The following SMG6 variants were observed in gnomAD, a reference collection of about 807,000 sequenced individuals.
SMG6 encodes the protein telomerase-binding protein EST1A.
In SMG6, 66 loss-of-function variants were observed where a neutral mutation model predicts 142.2. The observed-to-expected ratio is 0.46, with a 90% confidence interval of 0.38 to 0.57. SMG6 has a LOEUF of 0.57. SMG6 is among the 20% of genes least tolerant of loss of function. The pLI is 0.00. For synonymous variants in SMG6, 779 were observed against 702.4 expected (o/e 1.11, Z -1.72); for missense variants, 1,793 against 1,832.0 (o/e 0.98, Z 0.39).
chr17:2,176,804 G>A (rs2071665793), intron 12 of SMG6, among the ~76,000 whole-genome samples: 2 of 152,178 alleles, frequency 1.3e-5, no homozygotes, highest in Admixed American at 1.3e-4. Context: ...CAAACCAGCA[G>A]TGACTAGTTA....
At chr17:2,180,882 TG>T (rs1406993298) in intron 12 of SMG6, among the ~76,000 whole-genome samples, 1 of 152,088 alleles carries the variant, frequency 6.6e-6, no homozygotes, top group Admixed American at 6.6e-5. Context: ...ATCAGAGAAA[TG>T]TATCTTTGCA....
At chr17:2,259,550 G>A (rs1322397971) in intron 8 of SMG6, among the ~76,000 whole-genome samples, 3 of 151,822 alleles carry the variant, frequency 2.0e-5, no homozygotes, top group East Asian at 1.9e-4. Context: ...GGTGGCACAC[G>A]CCTGTAGTCC....
chr17:2,076,806 T>C (rs1204542483), intron 15 of SMG6, among the ~76,000 whole-genome samples: 1 of 152,178 alleles, frequency 6.6e-6, no homozygotes, highest in Non-Finnish European at 1.5e-5. Flanking sequence ...TTGGTGCATG[T>C]GGGGCCTGTT....
chr17:2,236,229 G>C (rs894694886), intron 10 of SMG6: 1 of 291,318 alleles, frequency 3.4e-6, no homozygotes, highest in Non-Finnish European at 6.4e-6. Flanking sequence ...CGCGTGGCCA[G>C]ATGTGCAACT....
chr17:2,273,291 G>A (rs775972232), intron 8 of SMG6, among the ~76,000 whole-genome samples: 26 of 152,168 alleles, frequency 1.7e-4, no homozygotes, highest in East Asian at 3.9e-4. Flanking sequence ...TGAGGTGGGC[G>A]GATCACTTAA....
intron 13 of SMG6, chr17:2,088,390 T>C: frequency 4.1e-6 from 4 of 985,412 alleles, no homozygotes; most frequent in Non-Finnish European, 4.8e-6. Context: ...GGGAATTGCC[T>C]ATTCCATGGA....
chr17:2,233,156 C>T (rs1266871827), intron 10 of SMG6: 5 of 152,276 alleles, frequency 3.3e-5, no homozygotes, highest in African/African-American at 1.2e-4. Context: ...TCCCCTGTGG[C>T]TCTCCAAATC....
intron 12 of SMG6, 80 bp from the exon 13 acceptor site, chr17:2,172,939 G>T: frequency 1.5e-6 from 2 of 1,342,984 alleles, no homozygotes; most frequent in Non-Finnish European, 2.1e-6. Flanking sequence ...TGTGAGCAGG[G>T]AAGTACTTGC....
intron 9 of SMG6, among the ~76,000 whole-genome samples, chr17:2,242,894 T>C (rs541676345): frequency 1.8e-4 from 28 of 152,278 alleles, no homozygotes; most frequent in Admixed American, 1.1e-3. Context: ...AGTAACCTAC[T>C]AGAATACTAC....
In SMG6 at chr17:2,298,968, G is replaced by C. The variant is rs1386611414; in HGVS notation, c.1785C>G (p.Leu595=). 17 of 1,614,184 alleles carry C rather than the reference G, an allele frequency of 1.1e-5. No individual in the cohort carries two copies. The highest frequency in any genetic ancestry group is 1.4e-5 in the Non-Finnish European group (17 of 1,180,036). ...TGCGGTCCCTGGAGAGCAGGTTGCT[G>C]AGCTGCAGTTCCTGGTTGTCAGCCA... ...LRVADNQELQ[L]SNLLSRDRIS... The change falls in exon 2 of 19, where the codon CTC becomes CTG. Residue 595 remains leucine, a synonymous_variant. Transcript: ENST00000263073.
Position 2,297,084 on chromosome 17 carries a change from T to G in SMG6, c.2151+159A>C, listed in dbSNP as rs754654815. On this transcript the variant is annotated intron_variant, in intron 4 of 18. Transcript: ENST00000263073. ...TGCTATATACCACTACCATAGTACA[T>G]ATGACATTACAATTGTTGGTTTAAT... Among the ~76,000 whole-genome samples, 4 of 151,220 alleles carry G rather than the reference T, an allele frequency of 2.6e-5. No homozygotes were observed. The East Asian group carries it at 7.8e-4, about 29-fold the overall frequency.
intron 12 of SMG6, among the ~76,000 whole-genome samples, chr17:2,174,579 C>T (rs1387405894): frequency 3.9e-5 from 6 of 152,160 alleles, no homozygotes; most frequent in East Asian, 1.9e-4. Context: ...AATCACACAA[C>T]GGCACATAAT....
At chr17:2,277,148 TATTTA>T (rs1285850327) in intron 8 of SMG6, among the ~76,000 whole-genome samples, 2 of 75,476 alleles carry the variant, frequency 2.6e-5, no homozygotes, top group African/African-American at 1.3e-4. Flanking sequence ...TTTATTTATT[TATTTA>T]TTTATTTATT....
At chr17:2,213,872 A>G (rs1274926840) in intron 10 of SMG6, 1 of 152,206 alleles carries the variant, frequency 6.6e-6, no homozygotes, top group East Asian at 1.9e-4. Context: ...AAAATTTTTT[A>G]TTAATCTCCA....
chr17:2,113,496 C>A lies in SMG6; in HGVS notation c.3358-27595G>T, dbSNP rs539525434. Among the ~76,000 whole-genome samples, 3 of 152,296 alleles carry A rather than the reference C, an allele frequency of 2.0e-5. No homozygotes were observed. In the South Asian group the frequency reaches 6.2e-4, roughly 32 times the overall value. On this transcript the variant is annotated intron_variant, in intron 13 of 18. Transcript: ENST00000263073. ...CTCTCCAGCTGGGTCTTGAACAAAG[C>A]CGGCTTGGGAAAGGGTGCTGGCTCC... is the stretch of plus-strand genomic sequence containing the variant.
chr17:2,266,619 C>G (rs550789286), intron 8 of SMG6, among the ~76,000 whole-genome samples: 1 of 152,286 alleles, frequency 6.6e-6, no homozygotes, highest in East Asian at 1.9e-4. Context: ...CAGCAGCACC[C>G]TGGCACTCTG....
At chr17:2,154,791 T>C (rs1345559320) in intron 13 of SMG6, among the ~76,000 whole-genome samples, 1 of 152,168 alleles carries the variant, frequency 6.6e-6, no homozygotes, top group Non-Finnish European at 1.5e-5. Flanking sequence ...TCACAGCACT[T>C]TGGGAGGCCA....
intron 8 of SMG6, among the ~76,000 whole-genome samples, chr17:2,260,898 A>C (rs1237707353): frequency 6.6e-6 from 1 of 152,096 alleles, no homozygotes; most frequent in Non-Finnish European, 1.5e-5. Flanking sequence ...TGAGAGGCTG[A>C]GGCAGAAGAA....
chr17:2,244,682 T>C lies in SMG6; in HGVS notation c.2699A>G (p.His900Arg). ...KRFILSFLHA[H>R]GKLFTRIGME... is the part of the protein sequence containing the mutation. Reference sequence around the variant, plus strand: ...CCCAATCCGGGTAAACAGCTTCCCATGGGCATGGAGAAAACTGAGGATGAA... The same window carrying C: ...CCCAATCCGGGTAAACAGCTTCCCACGGGCATGGAGAAAACTGAGGATGAA... The change falls in exon 9 of 19, where the codon CAT (histidine) becomes CGT (arginine). Residue 900 changes from histidine to arginine, a missense_variant. Physicochemically the swap from His to Arg is conservative, Grantham distance 29. This residue lies in a region of SMG6 where 1,597 missense variants were observed against 1,584.6 expected (regional missense o/e 1.01). Transcript: ENST00000263073. 6.2e-7 allele frequency: 1 copy of C among 1,614,000 alleles called. No homozygotes were observed. The highest frequency in any genetic ancestry group is 8.5e-7 in the Non-Finnish European group (1 of 1,179,846).
Sources: allele counts gnomAD v4.1 joint callset (sites outside exome capture counted in the v4.1 genomes callset), GRCh38; gene constraint gnomAD v4.1.1; regional missense constraint gnomAD v4.1.1; transcripts MANE v1.5; gene names NCBI Gene and HGNC (gene_info 2026-07-23, HGNC 2026-07-21).